The following NXPE3 variants were observed in gnomAD, a reference collection of about 807,000 sequenced individuals.
NXPE3 encodes NXPE family member 3.
NXPE3 carries 26 observed loss-of-function variants against 46.1 expected under a neutral mutation model. The ratio of observed to expected loss-of-function variants is 0.56; its 90% CI spans 0.41 to 0.78. The LOEUF (loss-of-function observed/expected upper bound fraction) is 0.78. Among genes scored for constraint, NXPE3 ranks in the 30% least tolerant of loss-of-function variants. The pLI is 0.00. For missense variants in NXPE3, 620 were observed against 686.0 expected (o/e 0.90, Z 1.07); for synonymous variants, 272 against 257.9 (o/e 1.05, Z -0.52).
chr3:101,784,098 C>T (rs1014663216), intron 3 of NXPE3, among the ~76,000 whole-genome samples: 5 of 152,124 alleles, frequency 3.3e-5, no homozygotes, highest in African/African-American at 1.2e-4. Flanking sequence ...CGTAGGCCTC[C>T]ATAATTATTT....
At chr3:101,821,140 A>G (rs1316567605) in intron 7 of NXPE3, among the ~76,000 whole-genome samples, 1 of 152,316 alleles carries the variant, frequency 6.6e-6, no homozygotes, top group Admixed American at 6.5e-5. Flanking sequence ...AGACAGGTGT[A>G]GTGTAGAGTC....
At chr3:101,813,113 A>G (rs151146417) in intron 6 of NXPE3, among the ~76,000 whole-genome samples, 2,636 of 152,214 alleles carry the variant, frequency 0.017, 44 homozygotes, top group Non-Finnish European at 0.026. Context: ...AATATACACT[A>G]TCCTCATTCC....
At chr3:101,791,575 A>G (rs1560041407) in intron 4 of NXPE3, among the ~76,000 whole-genome samples, 1 of 152,062 alleles carries the variant, frequency 6.6e-6, no homozygotes. Context: ...TAGTAGAGAC[A>G]TGGTTTCACT....
At chr3:101,802,045 T>C in intron 5 of NXPE3, 56 bp downstream of exon 5, 1 of 1,503,090 alleles carries the variant, frequency 6.7e-7, no homozygotes, top group Admixed American at 2.2e-5. Context: ...ACTGTCCTTG[T>C]CCCATTTAGG....
intron 7 of NXPE3, among the ~76,000 whole-genome samples, chr3:101,819,041 G>A (rs1458722495): frequency 6.6e-6 from 1 of 151,670 alleles, no homozygotes; most frequent in Non-Finnish European, 1.5e-5. Flanking sequence ...CTGGGATTAT[G>A]GGCATGAGCC....
chr3:101,780,372 A>C (rs1408055731), intron 1 of NXPE3, among the ~76,000 whole-genome samples: 1 of 152,196 alleles, frequency 6.6e-6, no homozygotes, highest in East Asian at 1.9e-4. Context: ...AAACGAAGGG[A>C]TAAATCACTG....
Position 101,807,109 on chromosome 3 carries a change from T to G in NXPE3, c.905T>G (p.Ile302Ser). 1 of 1,612,594 alleles carries G rather than the reference T, an allele frequency of 6.2e-7. No individual in the cohort carries two copies. The highest frequency in any genetic ancestry group is 8.5e-7 in the Non-Finnish European group (1 of 1,178,706). ...AGTGGACCTGATTGGGTAACTGTGA[T>G]TCCCAGGAGAATAAAAGGTAAAAAA... ...NSSGPDWVTV[I>S]PRRIKETNSL... Residue 302 changes from isoleucine (I) to serine (S), a missense_variant, in exon 6 of 8, where the codon ATT (isoleucine) becomes AGT (serine). This residue lies in a region of NXPE3 where 511 missense variants were observed against 528.6 expected (regional missense o/e 0.97). Transcript: ENST00000273347.
intron 4 of NXPE3, among the ~76,000 whole-genome samples, chr3:101,792,168 T>C (rs1413075086): frequency 6.6e-6 from 1 of 152,200 alleles, no homozygotes; most frequent in Non-Finnish European, 1.5e-5. Context: ...ATTAGACCTT[T>C]GTCAGATGCA....
rs1455380920 is a variant in NXPE3, at chr3:101,825,208, T to C, written c.*3254T>C. The C allele has an allele frequency of 6.6e-6, 1 of 152,220 alleles. No individual in the cohort carries two copies. The highest frequency in any genetic ancestry group is 1.9e-4 in the East Asian group (1 of 5,206). 9.4% of individuals were successfully genotyped at this position (152,220 alleles called of 1,614,324 possible). On this transcript the variant is annotated 3_prime_UTR_variant, in exon 8 of 8. Transcript: ENST00000273347. Reference sequence around the variant, plus strand: ...TGTGTTGTTGCCCTTTATGTGTCCATGTGTTCTCATCATTTAGCTCTCACT... The same window carrying C: ...TGTGTTGTTGCCCTTTATGTGTCCACGTGTTCTCATCATTTAGCTCTCACT...
intron 4 of NXPE3, among the ~76,000 whole-genome samples, chr3:101,791,587 T>TAG (rs2107262648): frequency 6.6e-6 from 1 of 152,238 alleles, no homozygotes; most frequent in South Asian, 2.1e-4. Context: ...GGTTTCACTA[T>TAG]ATTGGCCGGG....
Position 101,807,036 on chromosome 3 carries a change from T to G in NXPE3, c.849-17T>G. The G allele has an allele frequency of 6.3e-7, 1 of 1,594,756 alleles. No homozygotes were observed. The highest frequency in any genetic ancestry group is 8.6e-7 in the Non-Finnish European group (1 of 1,162,994). ...TGTTCCTGAACCTGAGCTTGTGCTTTTTTATTCCTCTTAAAGTGGTGTCAA... is the reference window on the plus strand; with the variant it reads ...TGTTCCTGAACCTGAGCTTGTGCTTGTTTATTCCTCTTAAAGTGGTGTCAA... On this transcript the variant is annotated splice_polypyrimidine_tract_variant and intron_variant, in intron 5 of 7. Transcript: ENST00000273347.
At chr3:101,816,276 T>C (rs1941965451) in intron 6 of NXPE3, among the ~76,000 whole-genome samples, 1 of 152,212 alleles carries the variant, frequency 6.6e-6, no homozygotes, top group Non-Finnish European at 1.5e-5. Flanking sequence ...AAAACCTTTT[T>C]TTTTTTTAAT....
At chr3:101,785,749 A>C (rs1466958073) in intron 4 of NXPE3, 60 bp downstream of exon 4, 7 of 1,395,516 alleles carry the variant, frequency 5.0e-6, no homozygotes, top group Non-Finnish European at 7.1e-6. Context: ...TCTGGGGCTA[A>C]CTAGCCTGGG....
At chr3:101,798,084 C>T (rs919641066) in intron 4 of NXPE3, among the ~76,000 whole-genome samples, 6 of 140,820 alleles carry the variant, frequency 4.3e-5, no homozygotes, top group Non-Finnish European at 7.6e-5. Context: ...TCTCCAGCAC[C>T]TGTTGTTTCC....
At chr3:101,797,029 T>A (rs1940866547) in intron 4 of NXPE3, among the ~76,000 whole-genome samples, 1 of 152,198 alleles carries the variant, frequency 6.6e-6, no homozygotes, top group South Asian at 2.1e-4. Context: ...TTAGGTAGAT[T>A]AGTTATATGC....
intron 1 of NXPE3, among the ~76,000 whole-genome samples, chr3:101,781,114 A>T (rs1244701751): frequency 6.6e-6 from 1 of 152,056 alleles, no homozygotes; most frequent in East Asian, 1.9e-4. Flanking sequence ...TTTTCCATGT[A>T]AATCTGTGCT....
rs1347469756 is a variant in NXPE3 at position 101,824,714 on chromosome 3, A to T, written c.*2760A>T. The T allele has an allele frequency of 6.6e-6, 1 of 152,306 alleles. No homozygotes were observed. Among genetic ancestry groups the T allele is most frequent in the Non-Finnish European group, 1.5e-5 (1 of 68,136 alleles). 9.4% of individuals were successfully genotyped at this position (152,306 alleles called of 1,614,324 possible). On this transcript the variant is annotated 3_prime_UTR_variant, in exon 8 of 8. Coordinates refer to ENST00000273347, the MANE Select transcript of NXPE3 (RefSeq NM_145037.4). ...CACCTCAGCTTCCCAAAGTGCTGGG[A>T]TTACAGGTGTGAGCCACTGTGCCCA...
intron 4 of NXPE3, 85 bp downstream of exon 4, chr3:101,785,774 CG>C: frequency 3.6e-6 from 4 of 1,107,110 alleles, no homozygotes; most frequent in Non-Finnish European, 5.5e-6. Flanking sequence ...CGTTGGTTAT[CG>C]GAAGATTATC....
intron 7 of NXPE3, among the ~76,000 whole-genome samples, chr3:101,817,455 T>C (rs773971065): frequency 1.3e-5 from 2 of 152,206 alleles, no homozygotes; most frequent in Non-Finnish European, 2.9e-5. Flanking sequence ...CCTATGGTAG[T>C]CCATATTGCA....
Sources: allele counts gnomAD v4.1 joint callset (sites outside exome capture counted in the v4.1 genomes callset), GRCh38; gene constraint gnomAD v4.1.1; regional missense constraint gnomAD v4.1.1; transcripts MANE v1.5; gene names NCBI Gene and HGNC (gene_info 2026-07-23, HGNC 2026-07-21).